EYS: variants seen among roughly 807,000 people sequenced by gnomAD.
EYS encodes the protein EGF-like photoreceptor maintenance factor.
In EYS, 250 loss-of-function variants were observed where a neutral mutation model predicts 282.1. The observed-to-expected ratio is 0.89, with a 90% confidence interval of 0.80 to 0.98. The LOEUF (loss-of-function observed/expected upper bound fraction) is 0.98. Among genes scored for constraint, EYS ranks in the 50% least tolerant of loss-of-function variants. The pLI is 0.00. For missense variants in EYS, 4,016 were observed against 3,709.0 expected (o/e 1.08, Z -2.15); for synonymous variants, 1,355 against 1,282.9 (o/e 1.06, Z -1.20).
At chr6:64,982,785 A>C (rs145616825) in intron 14 of EYS, among the ~76,000 whole-genome samples, 1 of 151,394 alleles carries the variant, frequency 6.6e-6, no homozygotes, top group East Asian at 1.9e-4. Context: ...AATTTAAACA[A>C]AAACTGATTT....
intron 35 of EYS, among the ~76,000 whole-genome samples, chr6:63,968,388 A>G (rs1436097131): frequency 1.3e-5 from 2 of 152,182 alleles, no homozygotes; most frequent in Non-Finnish European, 2.9e-5. Flanking sequence ...CAACAAAAGA[A>G]TCACAGCTGG....
chr6:64,848,279 ATAT>A (rs148071503), intron 19 of EYS, among the ~76,000 whole-genome samples: 1,760 of 152,104 alleles, frequency 0.012, 34 homozygotes, highest in African/African-American at 0.039. Flanking sequence ...TTTAAGAATA[ATAT>A]TATGTTTTTT....
intron 8 of EYS, among the ~76,000 whole-genome samples, chr6:65,376,830 A>T (rs1226837951): frequency 6.6e-6 from 1 of 152,206 alleles, no homozygotes. Flanking sequence ...TAATTATCCT[A>T]AATATATATG....
chr6:64,740,585 G>T (rs1772336537), intron 22 of EYS, among the ~76,000 whole-genome samples: 2 of 152,138 alleles, frequency 1.3e-5, no homozygotes, highest in Admixed American at 1.3e-4. Context: ...AACAAAGTAA[G>T]GTGATGGCTC....
rs1425590624 is a variant in EYS, at chr6:65,550,487, C to A, written c.-332-54494G>T. 1.6e-3 allele frequency among the ~76,000 whole-genome samples: 6 copies of A among 3,798 alleles called. 2 individuals are homozygous for A. The African/African-American group carries it at 0.018, about 12-fold the overall frequency. The allele number at this position is 3,798 out of a possible 152,430, so 2.5% of individuals were successfully genotyped here. On this transcript the variant is annotated intron_variant, in intron 2 of 42. Coordinates refer to ENST00000503581, the MANE Select transcript of EYS (RefSeq NM_001142800.2). ...ATATCTCCCAATGCTATCCCTCCCCCCTCCCCCGACCCCACCACAGTCCCC... is the reference window on the plus strand; with the variant it reads ...ATATCTCCCAATGCTATCCCTCCCCACTCCCCCGACCCCACCACAGTCCCC...
intron 14 of EYS, among the ~76,000 whole-genome samples, chr6:64,951,222 G>C (rs1425817811): frequency 6.6e-6 from 1 of 151,790 alleles, no homozygotes; most frequent in Non-Finnish European, 1.5e-5. Context: ...AAAAGTTGGA[G>C]TTTAGGGCCA....
intron 5 of EYS, among the ~76,000 whole-genome samples, chr6:65,410,691 T>G (rs1333841650): frequency 6.6e-6 from 1 of 151,332 alleles, no homozygotes; most frequent in Non-Finnish European, 1.5e-5. Flanking sequence ...TCAATTAACA[T>G]GATGTATATC....
chr6:65,596,559 T>C (rs1342507128), intron 2 of EYS, among the ~76,000 whole-genome samples: 2 of 152,022 alleles, frequency 1.3e-5, no homozygotes, highest in Non-Finnish European at 2.9e-5. Flanking sequence ...GCAGGCACTA[T>C]GAATTACTGG....
intron 2 of EYS, among the ~76,000 whole-genome samples, chr6:65,571,446 A>G (rs1392375941): frequency 2.0e-5 from 3 of 152,034 alleles, no homozygotes; most frequent in African/African-American, 7.2e-5. Flanking sequence ...AGACTTTTAC[A>G]AATAGAAATT....
At chr6:64,919,733 C>T (rs1768278871) in intron 15 of EYS, among the ~76,000 whole-genome samples, 1 of 151,986 alleles carries the variant, frequency 6.6e-6, no homozygotes, top group African/African-American at 2.4e-5. Flanking sequence ...GATTTAATCT[C>T]CTGTGCCATG....
At chr6:65,410,161 ATT>A (rs1766925740) in intron 5 of EYS, among the ~76,000 whole-genome samples, 1 of 152,058 alleles carries the variant, frequency 6.6e-6, no homozygotes, top group African/African-American at 2.4e-5. Flanking sequence ...TAAGTATGTA[ATT>A]CTTGGCATTT....
At position 64,729,687 on chromosome 6, in the gene EYS, G is replaced by A. The variant is rs566768996; in HGVS notation, c.3443+83691C>T. 2.4e-4 allele frequency among the ~76,000 whole-genome samples: 37 copies of A among 152,040 alleles called. 2 individuals are homozygous for A. Among genetic ancestry groups the A allele is most frequent in the African/African-American group, 8.0e-4 (33 of 41,508 alleles). On this transcript the variant is annotated intron_variant, in intron 22 of 42. Coordinates refer to ENST00000503581, the MANE Select transcript of EYS (RefSeq NM_001142800.2). ...TAAAAGTAATCATGTTTTTTTGTCC[G>A]TAAAAGTAATGGTAAAAACCGCAAT...
At chr6:65,388,381 A>T (rs1327624717) in intron 7 of EYS, among the ~76,000 whole-genome samples, 1 of 152,006 alleles carries the variant, frequency 6.6e-6, no homozygotes, top group Non-Finnish European at 1.5e-5. Context: ...GAGGTGCTAT[A>T]TAATTAATAA....
chr6:65,474,120 A>G (rs1303828347), intron 5 of EYS, among the ~76,000 whole-genome samples: 1 of 152,090 alleles, frequency 6.6e-6, no homozygotes, highest in Admixed American at 6.5e-5. Context: ...GAAGACAGTA[A>G]ATGACAAAGT....
At chr6:64,204,422 C>G (rs1416045187) in intron 31 of EYS, among the ~76,000 whole-genome samples, 1 of 152,068 alleles carries the variant, frequency 6.6e-6, no homozygotes, top group African/African-American at 2.4e-5. Flanking sequence ...AATGTCATAG[C>G]ATCTTTTTTT....
chr6:65,495,227 C>A lies in EYS; in HGVS notation c.184G>T (p.Val62Leu). The change falls in exon 4 of 43, where the codon GTA becomes TTA. Residue 62 changes from valine to leucine, a missense_variant. By Grantham distance (32) the Val-to-Leu change is conservative (BLOSUM62 1). Coordinates refer to ENST00000503581, the MANE Select transcript of EYS (RefSeq NM_001142800.2). The stretch of plus-strand genomic sequence containing the variant: ...CCTGAAGTATCTATTTTAGTGTTTA[C>A]ACCCAAAAACCAGCAATCTCTGTAG... ...DFYRDCWFLG[V>L]NTKIDTSGNQ... The A allele has an allele frequency of 6.2e-7, 1 of 1,614,130 alleles. No individual in the cohort carries two copies. The highest frequency in any genetic ancestry group is 8.5e-7 in the Non-Finnish European group (1 of 1,180,018).
chr6:63,838,780 G>A (rs1771874778), intron 36 of EYS, among the ~76,000 whole-genome samples: 1 of 151,864 alleles, frequency 6.6e-6, no homozygotes, highest in African/African-American at 2.4e-5. Context: ...CTCCCTCCAT[G>A]ACCACATCTT....
At chr6:64,799,552 T>C (rs1463542265) in intron 22 of EYS, among the ~76,000 whole-genome samples, 5 of 151,590 alleles carry the variant, frequency 3.3e-5, no homozygotes, top group Non-Finnish European at 7.4e-5. Flanking sequence ...CTAACAAATA[T>C]TCATTAAGTA....
At chr6:64,246,428 A>G (rs1459509884) in intron 30 of EYS, among the ~76,000 whole-genome samples, 1 of 152,170 alleles carries the variant, frequency 6.6e-6, no homozygotes, top group African/African-American at 2.4e-5. Flanking sequence ...ACTGCTTTCA[A>G]CACTGATATA....
Sources: gnomAD v4.1 joint callset for allele counts (sites outside exome capture counted in the v4.1 genomes callset) on GRCh38, gnomAD v4.1.1 for gene constraint, MANE v1.5 for transcripts, NCBI Gene and HGNC (gene_info 2026-07-23, HGNC 2026-07-21) for gene names.